GAB2: variants seen among roughly 807,000 people sequenced by gnomAD.
GAB2 encodes GRB2 associated binding protein 2.
A neutral mutation model predicts 65.5 loss-of-function variants in GAB2; 26 were observed. That is an observed-to-expected ratio of 0.40 (90% CI 0.29 to 0.55). GAB2 has a LOEUF of 0.55. GAB2 is among the 20% of genes least tolerant of loss of function. The pLI is 0.53. For synonymous variants in GAB2, 321 were observed against 329.6 expected, an observed-to-expected ratio of 0.97 and a Z score of 0.28; for missense variants, 884 against 875.8, an observed-to-expected ratio of 1.01 and a Z score of -0.12.
chr11:78,351,889 G>C (rs1856283950), intron 1 of GAB2, among the ~76,000 whole-genome samples: 1 of 152,092 alleles, frequency 6.6e-6, no homozygotes, highest in Admixed American at 6.5e-5. Flanking sequence ...TTGACCAAAA[G>C]GAACCAAGCA....
chr11:78,295,402 T>A (rs1866798716), intron 1 of GAB2, among the ~76,000 whole-genome samples: 1 of 152,184 alleles, frequency 6.6e-6, no homozygotes, highest in African/African-American at 2.4e-5. Context: ...CTGATCATAT[T>A]CATTATTCAA....
chr11:78,283,500 C>T (rs767127204), intron 1 of GAB2, among the ~76,000 whole-genome samples: 1 of 152,210 alleles, frequency 6.6e-6, no homozygotes, highest in Non-Finnish European at 1.5e-5. Flanking sequence ...TTCTACTTCT[C>T]TTTATAGTGA....
intron 2 of GAB2, among the ~76,000 whole-genome samples, chr11:78,275,132 C>G (rs1054147386): frequency 6.6e-6 from 1 of 152,106 alleles, no homozygotes; most frequent in Non-Finnish European, 1.5e-5. Context: ...ACTCAGGTGA[C>G]TGGATTGTTC....
At chr11:78,389,177 C>T (rs755675587) in intron 1 of GAB2, among the ~76,000 whole-genome samples, 1 of 152,150 alleles carries the variant, frequency 6.6e-6, no homozygotes, top group Non-Finnish European at 1.5e-5. Context: ...GAGTCTCAAT[C>T]AACATGTTCT....
At chr11:78,405,456 A>G (rs900401663) in intron 1 of GAB2, among the ~76,000 whole-genome samples, 13 of 152,212 alleles carry the variant, frequency 8.5e-5, no homozygotes, top group East Asian at 3.9e-4. Flanking sequence ...GCTACTTACT[A>G]TATGTGTGGC....
chr11:78,249,516 G>A (rs1865388198), intron 3 of GAB2, among the ~76,000 whole-genome samples: 1 of 152,188 alleles, frequency 6.6e-6, no homozygotes, highest in Admixed American at 6.5e-5. Flanking sequence ...CTGTGAAAGA[G>A]CTGATGATGT....
At chr11:78,283,117 T>C (rs1264422699) in intron 1 of GAB2, among the ~76,000 whole-genome samples, 1 of 152,238 alleles carries the variant, frequency 6.6e-6, no homozygotes, top group Non-Finnish European at 1.5e-5. Flanking sequence ...TCTCCTGTTC[T>C]TTGGCAACAA....
At chr11:78,401,244 C>G (rs1856967753) in intron 1 of GAB2, among the ~76,000 whole-genome samples, 1 of 152,116 alleles carries the variant, frequency 6.6e-6, no homozygotes, top group Non-Finnish European at 1.5e-5. Flanking sequence ...TGTCCAGAAC[C>G]CTTTATCTTG....
chr11:78,367,892 C>A (rs2134724544), intron 1 of GAB2, among the ~76,000 whole-genome samples: 1 of 147,254 alleles, frequency 6.8e-6, no homozygotes, highest in East Asian at 2.0e-4. Flanking sequence ...TCTCTGCTCA[C>A]TGCAAGCTCC....
At chr11:78,380,059 C>T (rs1856678276) in intron 1 of GAB2, among the ~76,000 whole-genome samples, 1 of 152,128 alleles carries the variant, frequency 6.6e-6, no homozygotes, top group African/African-American at 2.4e-5. Flanking sequence ...ATTTCTTTAC[C>T]AATGTTTCAT....
chr11:78,297,480 T>C (rs1239550508), intron 1 of GAB2, among the ~76,000 whole-genome samples: 1 of 151,292 alleles, frequency 6.6e-6, no homozygotes, highest in African/African-American at 2.4e-5. Flanking sequence ...TGTGAGGGAG[T>C]GTGTGTGTTT....
At chr11:78,363,105 A>G (rs766604260) in intron 1 of GAB2, among the ~76,000 whole-genome samples, 1 of 152,244 alleles carries the variant, frequency 6.6e-6, no homozygotes, top group Non-Finnish European at 1.5e-5. Context: ...CCTTGGAACT[A>G]GATCACCATA....
At chr11:78,260,137 AAGAC>A (rs1226545326) in intron 2 of GAB2, among the ~76,000 whole-genome samples, 5 of 152,304 alleles carry the variant, frequency 3.3e-5, no homozygotes, top group Non-Finnish European at 5.9e-5. Context: ...GAAAAAAGAA[AAGAC>A]AGACAGGCAG....
At chr11:78,389,045 T>C (rs898657710) in intron 1 of GAB2, among the ~76,000 whole-genome samples, 42 of 152,222 alleles carry the variant, frequency 2.8e-4, no homozygotes, top group African/African-American at 9.4e-4. Flanking sequence ...ATTAAGCATT[T>C]ACTCAACAGG....
chr11:78,382,547 G>T (rs144158914), intron 1 of GAB2, among the ~76,000 whole-genome samples: 1 of 152,074 alleles, frequency 6.6e-6, no homozygotes, highest in African/African-American at 2.4e-5. Context: ...TAACAATAGG[G>T]ATACTTACAC....
At chr11:78,242,030 A>G (rs1783446304) in intron 3 of GAB2, among the ~76,000 whole-genome samples, 1 of 152,262 alleles carries the variant, frequency 6.6e-6, no homozygotes, top group African/African-American at 2.4e-5. Context: ...TCTATAGGAC[A>G]GACCTCATGT....
At chr11:78,286,638 G>C (rs1375886121) in intron 1 of GAB2, among the ~76,000 whole-genome samples, 1 of 140,410 alleles carries the variant, frequency 7.1e-6, no homozygotes, top group Non-Finnish European at 1.5e-5. Context: ...AAACTTATAC[G>C]TAAGCTTTCA....
intron 1 of GAB2, among the ~76,000 whole-genome samples, chr11:78,284,494 G>C (rs1866420252): frequency 1.3e-5 from 2 of 152,234 alleles, no homozygotes; most frequent in South Asian, 2.1e-4. Flanking sequence ...GCTGCCCTCT[G>C]CCTTGCCTAT....
Position 78,355,200 on chromosome 11 carries a change from G to A in GAB2, c.75+62446C>T, listed in dbSNP as rs1445583632. 2.6e-5 allele frequency among the ~76,000 whole-genome samples: 4 copies of A among 152,178 alleles called. No homozygotes were observed. The East Asian group carries it at 7.7e-4, about 29-fold the overall frequency. On this transcript the variant is annotated intron_variant, in intron 1 of 9. Coordinates refer to ENST00000361507, the MANE Select transcript of GAB2 (RefSeq NM_080491.3). ...GCTAAAAGCACTTTATGTGACTTGA[G>A]GGAAACCATATTTACATCTTTTAGG...
Sources: gnomAD v4.1 joint callset for allele counts (sites outside exome capture counted in the v4.1 genomes callset) on GRCh38, gnomAD v4.1.1 for gene constraint, MANE v1.5 for transcripts, NCBI Gene and HGNC (gene_info 2026-07-23, HGNC 2026-07-21) for gene names.